The following TMEM272 variants were observed in gnomAD, a reference collection of about 807,000 sequenced individuals.
The protein encoded by TMEM272 is transmembrane protein 272, also known as long intergenic non-protein coding RNA 282.
In TMEM272, 8 loss-of-function variants were observed where a neutral mutation model predicts 3.7. The ratio of observed to expected loss-of-function variants is 2.17; its 90% CI spans 1.27 to 3.91. The LOEUF is 3.91. Ranked by LOEUF, TMEM272 falls within the 30% of genes most tolerant of loss-of-function variation. The probability of loss-of-function intolerance (pLI) is 0.00; values close to 1 mark genes in which losing one functional copy is unlikely to be tolerated. For missense variants in TMEM272, 166 were observed against 91.5 expected (o/e 1.81, Z -3.32); for synonymous variants, 63 against 39.8 (o/e 1.58, Z -2.20).
chr13:51,887,008 T>C, the TMEM272 span, among the ~76,000 whole-genome samples: 942 of 152,234 alleles, frequency 6.2e-3, 14 homozygotes, highest in African/African-American at 0.021. Flanking sequence ...CCAATCCCAA[T>C]CAGTTCTCCG....
At chr13:51,926,122 T>C in the TMEM272 span, among the ~76,000 whole-genome samples, 1 of 150,792 alleles carries the variant, frequency 6.6e-6, no homozygotes, top group African/African-American at 2.5e-5. Context: ...GTGTGTGGTG[T>C]ATGTGTCTAT....
the TMEM272 span, among the ~76,000 whole-genome samples, chr13:51,911,119 T>G: frequency 2.0e-5 from 3 of 152,356 alleles, no homozygotes; most frequent in African/African-American, 7.2e-5. Context: ...GGTGTTTCAG[T>G]ATCTGTTGCC....
the TMEM272 span, among the ~76,000 whole-genome samples, chr13:51,874,625 A>T: frequency 6.6e-6 from 1 of 152,288 alleles, no homozygotes; most frequent in East Asian, 1.9e-4. Context: ...CAGGCAAAGG[A>T]AAGATGCCCC....
At chr13:51,838,397 C>CCTTT (rs1956233677) in intron 2 of TMEM272, 76 bp downstream of exon 2, 8 of 702,684 alleles carry the variant, frequency 1.1e-5, no homozygotes, top group Non-Finnish European at 2.1e-5. Context: ...ATGATCCACT[C>CCTTT]CAGCTTTAGC....
At chr13:51,922,281 C>G in the TMEM272 span, among the ~76,000 whole-genome samples, 2 of 152,220 alleles carry the variant, frequency 1.3e-5, no homozygotes, top group African/African-American at 4.8e-5. Context: ...TGTTTATACA[C>G]TAGTGATTCC....
chr13:51,901,016 T>A, the TMEM272 span, among the ~76,000 whole-genome samples: 1 of 152,186 alleles, frequency 6.6e-6, no homozygotes. Context: ...GTGGTGAAAA[T>A]GTTCTAAAAT....
In TMEM272 at chr13:51,817,132, C is replaced by G; in HGVS notation, c.202-19G>C. On this transcript the variant is annotated intron_variant, in intron 4 of 4. Transcript: ENST00000629372. ...GAGACACCTGGGGCGTGGTGGGGAG[C>G]CAGGGTGGCAAGGCAGAGCAGCAAA... 1 of 693,816 alleles carries G rather than the reference C, an allele frequency of 1.4e-6. No individual in the cohort carries two copies. The highest frequency in any genetic ancestry group is 1.5e-5 in the South Asian group (1 of 66,942). The allele number at this position is 693,816 out of a possible 1,614,324, so 43.0% of individuals were successfully genotyped here.
At chr13:51,879,181 GAAA>G in the TMEM272 span, among the ~76,000 whole-genome samples, 1 of 152,076 alleles carries the variant, frequency 6.6e-6, no homozygotes, top group Non-Finnish European at 1.5e-5. Context: ...TCTGCAGGAG[GAAA>G]AAAAGAACAA....
the TMEM272 span, among the ~76,000 whole-genome samples, chr13:51,861,352 C>G: frequency 6.6e-6 from 1 of 152,000 alleles, no homozygotes; most frequent in Non-Finnish European, 1.5e-5. Context: ...TGTGGGTGCT[C>G]TTGCTACAGT....
At chr13:51,917,593 G>A in the TMEM272 span, among the ~76,000 whole-genome samples, 110 of 152,254 alleles carry the variant, frequency 7.2e-4, 1 homozygote, top group South Asian at 9.3e-3. Flanking sequence ...TGCTACCAGC[G>A]AGTCCTGTGG....
At chr13:51,900,504 T>G in the TMEM272 span, among the ~76,000 whole-genome samples, 4 of 152,216 alleles carry the variant, frequency 2.6e-5, no homozygotes. Context: ...GGAACTCTCA[T>G]GCATCATTGA....
the TMEM272 span, among the ~76,000 whole-genome samples, chr13:51,916,982 T>C: frequency 6.6e-6 from 1 of 152,176 alleles, no homozygotes; most frequent in Admixed American, 6.5e-5. Context: ...TCACCAGTGT[T>C]TTCTCCATTC....
At chr13:51,857,516 G>A in the TMEM272 span, among the ~76,000 whole-genome samples, 1 of 152,150 alleles carries the variant, frequency 6.6e-6, no homozygotes, top group Non-Finnish European at 1.5e-5. Context: ...GGTATAAGTG[G>A]AGTTAAAATC....
At position 51,815,630 on chromosome 13, in the gene TMEM272, C is replaced by G. The variant is rs1323340835; in HGVS notation, c.*1121G>C. 1 of 152,272 alleles carries G rather than the reference C, an allele frequency of 6.6e-6. No individual in the cohort carries two copies. The highest frequency in any genetic ancestry group is 2.4e-5 in the African/African-American group (1 of 41,454). The allele number at this position is 152,272 out of a possible 1,614,324, so 9.4% of individuals were successfully genotyped here. A position where few individuals can be genotyped will look rare whatever the true frequency, so the allele number is the denominator to read the frequency against. ...ACGGTTAAGCAGGTGCCACGCACCCCTGGGCACTGCCCTAGAAACACTCAT... is the reference window on the plus strand; with the variant it reads ...ACGGTTAAGCAGGTGCCACGCACCCGTGGGCACTGCCCTAGAAACACTCAT... On this transcript the variant is annotated 3_prime_UTR_variant, in exon 5 of 5. Transcript: ENST00000629372.
the TMEM272 span, among the ~76,000 whole-genome samples, chr13:51,905,903 C>T: frequency 6.6e-6 from 1 of 152,210 alleles, no homozygotes; most frequent in African/African-American, 2.4e-5. Flanking sequence ...TCACCTGTGG[C>T]TCTGAAGCAG....
upstream of TMEM272, among the ~76,000 whole-genome samples, chr13:51,847,880 G>C (rs974760883): frequency 6.6e-6 from 1 of 152,162 alleles, no homozygotes; most frequent in African/African-American, 2.4e-5. Flanking sequence ...ACAATGGCAG[G>C]TCACTCAGGA....
chr13:51,849,275 C>T (rs1393501004), upstream of TMEM272, among the ~76,000 whole-genome samples: 3 of 152,160 alleles, frequency 2.0e-5, no homozygotes, highest in African/African-American at 7.2e-5. Flanking sequence ...TATGACTCCA[C>T]TCACGTGAGG....
At chr13:51,871,060 A>G in the TMEM272 span, among the ~76,000 whole-genome samples, 1 of 151,964 alleles carries the variant, frequency 6.6e-6, no homozygotes, top group African/African-American at 2.4e-5. Flanking sequence ...TCCCCACCAT[A>G]GGAGCCAACC....
At chr13:51,895,839 T>A in the TMEM272 span, among the ~76,000 whole-genome samples, 1 of 152,216 alleles carries the variant, frequency 6.6e-6, no homozygotes, top group South Asian at 2.1e-4. Flanking sequence ...ATGGTAAATA[T>A]CCTCTCCACT....
Sources: allele counts gnomAD v4.1 joint callset (sites outside exome capture counted in the v4.1 genomes callset), GRCh38; gene constraint gnomAD v4.1.1; transcripts MANE v1.5; gene names NCBI Gene and HGNC (gene_info 2026-07-23, HGNC 2026-07-21).